Variants in KCNMA1 observed in about 807,000 individuals in gnomAD.
KCNMA1 encodes the protein potassium calcium-activated channel subfamily M alpha 1, also known as Calcium-activated potassium channel subunit alpha-1.
A neutral mutation model predicts 140.0 loss-of-function variants in KCNMA1; 29 were observed. The observed-to-expected ratio is 0.21, with a 90% CI of 0.15 to 0.28. The LOEUF (loss-of-function observed/expected upper bound fraction) is 0.28. Among genes scored for constraint, KCNMA1 ranks in the 10% least tolerant of loss-of-function variants. The pLI, the probability that KCNMA1 is intolerant of heterozygous loss-of-function variation, is 1.00. For synonymous variants in KCNMA1, 612 were observed against 611.9 expected, an observed-to-expected ratio of 1.00 and a Z score of 0.00; for missense variants, 880 against 1,602.2, an observed-to-expected ratio of 0.55 and a Z score of 7.70.
rs12218822 is a variant in KCNMA1, at chr10:77,145,523, G to A, written c.809-24475C>T. ...TTGTCTGCCTGAAAGAATTCTAGGAGGGCTTCATTTGTCTCTGAAGTCATA... is the reference window on the plus strand; with the variant it reads ...TTGTCTGCCTGAAAGAATTCTAGGAAGGCTTCATTTGTCTCTGAAGTCATA... On this transcript the variant is annotated intron_variant, in intron 5 of 27. Transcript: ENST00000286628. 8.5e-3 allele frequency among the ~76,000 whole-genome samples: 1,298 copies of A among 152,220 alleles called. 69 individuals carry two copies. The East Asian group carries it at 0.14, about 16-fold the overall frequency.
chr10:77,393,393 AAAT>A (rs1398800840), intron 2 of KCNMA1, among the ~76,000 whole-genome samples: 3 of 152,218 alleles, frequency 2.0e-5, no homozygotes, highest in African/African-American at 7.2e-5. Context: ...ACAATAACAA[AAAT>A]AATAATAACC....
intron 5 of KCNMA1, among the ~76,000 whole-genome samples, chr10:77,180,871 T>C (rs2098797639): frequency 6.6e-6 from 1 of 152,186 alleles, no homozygotes; most frequent in Non-Finnish European, 1.5e-5. Flanking sequence ...TCACCCCCAT[T>C]CTGTGTTTGT....
At chr10:77,271,530 G>A (rs1407311347) in intron 2 of KCNMA1, among the ~76,000 whole-genome samples, 1 of 152,192 alleles carries the variant, frequency 6.6e-6, no homozygotes, top group African/African-American at 2.4e-5. Context: ...TCTGACAGAG[G>A]AGCCGAAGAT....
intron 2 of KCNMA1, among the ~76,000 whole-genome samples, chr10:77,268,819 G>C (rs2064151838): frequency 6.6e-6 from 1 of 152,104 alleles, no homozygotes; most frequent in African/African-American, 2.4e-5. Context: ...GCTCAATTTT[G>C]ACAGAGAGGG....
At chr10:77,170,089 G>A (rs1367651676) in intron 5 of KCNMA1, among the ~76,000 whole-genome samples, 1 of 152,226 alleles carries the variant, frequency 6.6e-6, no homozygotes, top group African/African-American at 2.4e-5. Flanking sequence ...TACTTGGGAG[G>A]CTGAGGCAGG....
At chr10:77,530,357 C>T (rs2057303495) in intron 1 of KCNMA1, among the ~76,000 whole-genome samples, 1 of 152,216 alleles carries the variant, frequency 6.6e-6, no homozygotes, top group Non-Finnish European at 1.5e-5. Context: ...CCAGGTCTCT[C>T]TGGGGCTTTT....
chr10:77,359,259 G>A (rs1317391730), intron 2 of KCNMA1, among the ~76,000 whole-genome samples: 1 of 152,140 alleles, frequency 6.6e-6, no homozygotes, highest in African/African-American at 2.4e-5. Flanking sequence ...TGGCGGGGAG[G>A]GGCAGGAAGG....
rs1487975127 is a variant in KCNMA1 at position 77,471,266 on chromosome 10, A to G, written c.379-67243T>C. ...ACACTACACACACAACGCACATACA[A>G]CACACAATACACACCACACATGTAA... On this transcript the variant is annotated intron_variant, in intron 1 of 27. Coordinates refer to ENST00000286628, the MANE Select transcript of KCNMA1 (RefSeq NM_001161352.2). 2.6e-5 allele frequency among the ~76,000 whole-genome samples: 4 copies of G among 151,274 alleles called. 1 individual carries two copies. The highest frequency in any genetic ancestry group is 2.0e-4 in the Admixed American group (3 of 15,202).
At chr10:77,273,101 C>G (rs1222605699) in intron 2 of KCNMA1, among the ~76,000 whole-genome samples, 3 of 152,170 alleles carry the variant, frequency 2.0e-5, no homozygotes, top group Non-Finnish European at 4.4e-5. Flanking sequence ...ATAGCACTTA[C>G]TTTTTGTAAA....
At chr10:76,965,623 T>C (rs1304719660) in intron 20 of KCNMA1, among the ~76,000 whole-genome samples, 1 of 152,224 alleles carries the variant, frequency 6.6e-6, no homozygotes, top group African/African-American at 2.4e-5. Context: ...CCCCTGGCTA[T>C]AGCCACACCC....
chr10:77,505,644 TCC>T (rs1357596000), intron 1 of KCNMA1, among the ~76,000 whole-genome samples: 1 of 152,078 alleles, frequency 6.6e-6, no homozygotes, highest in East Asian at 1.9e-4. Context: ...TAAAATGAAC[TCC>T]CACATAAGGC....
At chr10:77,039,395 G>T in intron 15 of KCNMA1, 133 bp downstream of exon 15, 1 of 710,350 alleles carries the variant, frequency 1.4e-6, no homozygotes. Context: ...CATCACATGG[G>T]GCCGAGCACA....
intron 2 of KCNMA1, among the ~76,000 whole-genome samples, chr10:77,288,105 G>A (rs2071693293): frequency 6.6e-6 from 1 of 152,218 alleles, no homozygotes; most frequent in Non-Finnish European, 1.5e-5. Flanking sequence ...ATTATGCAGA[G>A]AAATGGGCAC....
At chr10:77,047,893 T>C (rs1594720971) in intron 14 of KCNMA1, among the ~76,000 whole-genome samples, 2 of 152,282 alleles carry the variant, frequency 1.3e-5, no homozygotes, top group Admixed American at 1.3e-4. Flanking sequence ...CAGCTTCGTA[T>C]GCAGGGTTTT....
At chr10:77,588,434 G>C (rs2077942397) in intron 1 of KCNMA1, among the ~76,000 whole-genome samples, 1 of 152,198 alleles carries the variant, frequency 6.6e-6, no homozygotes, top group African/African-American at 2.4e-5. Context: ...CCAGGGCCGT[G>C]GGACTGCAGT....
At chr10:77,184,506 C>T (rs976881964) in intron 4 of KCNMA1, among the ~76,000 whole-genome samples, 2 of 152,226 alleles carry the variant, frequency 1.3e-5, no homozygotes, top group Non-Finnish European at 2.9e-5. Context: ...GCGTGAGCCA[C>T]CACACTCAGC....
chr10:76,995,014 T>C (rs753132687), intron 19 of KCNMA1, among the ~76,000 whole-genome samples: 41 of 152,262 alleles, frequency 2.7e-4, no homozygotes, highest in Middle Eastern at 3.4e-3. Context: ...CTCGAGTGAC[T>C]TCACACCATT....
rs1048398487 is a variant in KCNMA1 at position 77,540,113 on chromosome 10, T to C, written c.378+97152A>G. On this transcript the variant is annotated intron_variant, in intron 1 of 27. Coordinates refer to ENST00000286628, the MANE Select transcript of KCNMA1 (RefSeq NM_001161352.2). ...TCCTCCCAGAATCATCATGATTGAT[T>C]TCACAGACCTGGGTTGCTGCCTGTC... Among the ~76,000 whole-genome samples the C allele has an allele frequency of 2.0e-5, 3 of 152,210 alleles. No individual in the cohort carries two copies. The East Asian group carries it at 5.8e-4, about 29-fold the overall frequency.
intron 1 of KCNMA1, among the ~76,000 whole-genome samples, chr10:77,409,540 G>C (rs1311712172): frequency 1.3e-5 from 2 of 152,220 alleles, no homozygotes; most frequent in East Asian, 3.8e-4. Context: ...CTGGAGTTCA[G>C]GGTGTTCCTA....
Sources: gnomAD v4.1 joint callset for allele counts (sites outside exome capture counted in the v4.1 genomes callset) on GRCh38, gnomAD v4.1.1 for gene constraint, MANE v1.5 for transcripts, NCBI Gene and HGNC (gene_info 2026-07-23, HGNC 2026-07-21) for gene names.